The following FRMD1 variants were observed in gnomAD, a reference collection of about 807,000 sequenced individuals.
The protein encoded by FRMD1 is FERM domain-containing protein 1.
In FRMD1, 51 loss-of-function variants were observed where a neutral mutation model predicts 54.9. The observed-to-expected ratio is 0.93, with a 90% CI of 0.74 to 1.17. The LOEUF (loss-of-function observed/expected upper bound fraction) is 1.17. FRMD1 is among the 50% of genes most tolerant of loss of function. The probability of loss-of-function intolerance (pLI) is 0.00; values close to 1 mark genes in which losing one functional copy is unlikely to be tolerated. For synonymous variants in FRMD1, 324 were observed against 306.4 expected (o/e 1.06, Z -0.60); for missense variants, 729 against 743.0 (o/e 0.98, Z 0.22).
At chr6:168,078,629 CA>C (rs1800704407) in intron 1 of FRMD1, among the ~76,000 whole-genome samples, 2 of 132,258 alleles carry the variant, frequency 1.5e-5, no homozygotes, top group Non-Finnish European at 3.2e-5. Context: ...CTCACCCCCA[CA>C]GCCTTGCTCA....
chr6:168,058,713 G>A (rs1799550812), intron 10 of FRMD1, among the ~76,000 whole-genome samples: 3 of 152,196 alleles, frequency 2.0e-5, no homozygotes, highest in African/African-American at 7.2e-5. Context: ...AGTGGGGGAA[G>A]CCTGGAGCAG....
chr6:168,090,048 C>T (rs565194134), intron 1 of FRMD1, among the ~76,000 whole-genome samples: 5 of 152,248 alleles, frequency 3.3e-5, no homozygotes, highest in South Asian at 2.1e-4. Context: ...CTCTCCACCC[C>T]GCGTCCAGAC....
Position 168,064,855 on chromosome 6 carries a change from T to C in FRMD1, c.648+16A>G. On this transcript the variant is annotated intron_variant, in intron 5 of 10. Coordinates refer to ENST00000283309, the MANE Select transcript of FRMD1 (RefSeq NM_024919.6). ...CCAGACTAGCAGTGCTGGGAGGAGG[T>C]GGGCCCTGACCTTACCCACTGTGGG... 6.5e-7 allele frequency: 1 copy of C among 1,543,878 alleles called. No individual in the cohort carries two copies. The highest frequency in any genetic ancestry group is 1.2e-5 in the South Asian group (1 of 83,256).
upstream of FRMD1, chr6:168,081,207 G>GGCA (rs1458992930): frequency 7.0e-6 from 5 of 712,948 alleles, no homozygotes; most frequent in Non-Finnish European, 1.0e-5. Flanking sequence ...GAGGCTCCAA[G>GGCA]GCAAGGGTGG....
rs78853029 is a variant in FRMD1, at chr6:168,063,733, G to A, written c.672C>T (p.Asp224=). 2.1e-5 allele frequency: 34 copies of A among 1,613,260 alleles called. No homozygotes were observed. Among genetic ancestry groups the A allele is most frequent in the Non-Finnish European group, 2.7e-5 (32 of 1,179,496 alleles). ...GGGTAGGCATGTGCCGGAGGATGTA[G>A]TCAATCCCCCTCTTGGTGATGATCT... is the stretch of plus-strand genomic sequence containing the variant. ...PQWIITKRGI[D]YILRHMPTLH... Residue 224 remains aspartate (D), a synonymous_variant, in exon 6 of 11, where the codon GAC becomes GAT. Coordinates refer to ENST00000283309, the MANE Select transcript of FRMD1 (RefSeq NM_024919.6).
At chr6:168,081,497 C>T (rs1800830166), upstream of FRMD1, 2 of 1,533,730 alleles carry the variant, frequency 1.3e-6, no homozygotes, top group African/African-American at 2.7e-5. Flanking sequence ...CTGGAGTCCT[C>T]CTCGGCCCAA....
upstream of FRMD1, among the ~76,000 whole-genome samples, chr6:168,085,617 G>A (rs999055686): frequency 3.9e-5 from 6 of 152,236 alleles, no homozygotes; most frequent in African/African-American, 1.4e-4. Context: ...AGAACAAAGG[G>A]ACCAAGGAGG....
At position 168,061,772 on chromosome 6, in the gene FRMD1, G is replaced by C. The variant is rs781525067; in HGVS notation, c.1045+35C>G. 4 of 1,524,202 alleles carry C rather than the reference G, an allele frequency of 2.6e-6. No homozygotes were observed. In the South Asian group the frequency reaches 4.9e-5, roughly 19 times the overall value. The allele number at this position is 1,524,202 out of a possible 1,614,324, so 94.4% of individuals were successfully genotyped here. Reference sequence around the variant, plus strand: ...CAGCCTAGCCCAGAAGGCACAGTCCGGCTGCGGAGCCCAGCATACCCAGCC... The same window carrying C: ...CAGCCTAGCCCAGAAGGCACAGTCCCGCTGCGGAGCCCAGCATACCCAGCC... On this transcript the variant is annotated intron_variant, in intron 8 of 10. Transcript: ENST00000283309.
rs1562414095 is a variant in FRMD1 at position 168,064,857 on chromosome 6, G to C, written c.648+14C>G. On this transcript the variant is annotated intron_variant, in intron 5 of 10. Coordinates refer to ENST00000283309, the MANE Select transcript of FRMD1 (RefSeq NM_024919.6). Reference sequence around the variant, plus strand: ...AGACTAGCAGTGCTGGGAGGAGGTGGGCCCTGACCTTACCCACTGTGGGAA... The same window carrying C: ...AGACTAGCAGTGCTGGGAGGAGGTGCGCCCTGACCTTACCCACTGTGGGAA... 1 of 1,546,068 alleles carries C rather than the reference G, an allele frequency of 6.5e-7. No individual in the cohort carries two copies. Among genetic ancestry groups the C allele is most frequent in the Non-Finnish European group, 8.7e-7 (1 of 1,143,346 alleles).
chr6:168,076,191 C>CA (rs1800586556), intron 1 of FRMD1, among the ~76,000 whole-genome samples: 2 of 152,252 alleles, frequency 1.3e-5, no homozygotes, highest in African/African-American at 4.8e-5. Context: ...GCTCTGCTCT[C>CA]AGACTCTCCC....
chr6:168,090,013 ACTCAGTCT>A (rs1442402437), intron 1 of FRMD1, among the ~76,000 whole-genome samples: 1 of 151,962 alleles, frequency 6.6e-6, no homozygotes, highest in Non-Finnish European at 1.5e-5. Flanking sequence ...AGGATGCGGG[ACTCAGTCT>A]CTCAGTCTCA....
At chr6:168,074,700 T>A (rs1800487823) in intron 2 of FRMD1, among the ~76,000 whole-genome samples, 1 of 150,526 alleles carries the variant, frequency 6.6e-6, no homozygotes, top group African/African-American at 2.5e-5. Flanking sequence ...ATTGTGGGCA[T>A]GTGTGTGGTT....
intron 2 of FRMD1, among the ~76,000 whole-genome samples, chr6:168,069,018 G>T (rs1185067309): frequency 6.6e-6 from 1 of 152,204 alleles, no homozygotes; most frequent in Non-Finnish European, 1.5e-5. Flanking sequence ...TGTCAGGGAG[G>T]ATCAAACACT....
intron 4 of FRMD1, chr6:168,066,270 G>C (rs949261225): frequency 1.1e-6 from 1 of 926,328 alleles, no homozygotes; most frequent in Non-Finnish European, 1.3e-6. Context: ...AGGTCGAGGC[G>C]GGTGGATCAC....
Position 168,062,950 on chromosome 6 carries a change from C to T in FRMD1, c.814G>A (p.Glu272Lys). The change falls in exon 7 of 11, where the codon GAA becomes AAA. Residue 272 changes from glutamate (E) to lysine (K), a missense_variant. Transcript: ENST00000283309. Reference protein sequence around the residue: ...HFFRLHKDKKEGRPTVILGLA... With the variant: ...HFFRLHKDKKKGRPTVILGLA... ...CCCAGGATCACGGTGGGACGACCTT[C>T]CTTCTTATCCTAGAGGACACAGGTC... is the stretch of plus-strand genomic sequence containing the variant. The T allele has an allele frequency of 6.2e-7, 1 of 1,613,998 alleles. No individual in the cohort carries two copies. Among genetic ancestry groups the T allele is most frequent in the Non-Finnish European group, 8.5e-7 (1 of 1,179,892 alleles).
chr6:168,071,082 G>A (rs1042200090), intron 2 of FRMD1, among the ~76,000 whole-genome samples: 2 of 152,192 alleles, frequency 1.3e-5, no homozygotes, highest in Non-Finnish European at 2.9e-5. Flanking sequence ...GTGACAGCAC[G>A]AGACTCCTGC....
chr6:168,084,366 T>A (rs948976945), upstream of FRMD1, among the ~76,000 whole-genome samples: 8 of 152,210 alleles, frequency 5.3e-5, no homozygotes, highest in African/African-American at 1.4e-4. Context: ...TATTTGTGTG[T>A]CTTCAGTTAA....
Position 168,060,900 on chromosome 6 carries a change from G to C in FRMD1, c.1203C>G (p.Ile401Met). 1.2e-6 allele frequency: 2 copies of C among 1,613,880 alleles called. No homozygotes were observed. The highest frequency in any genetic ancestry group is 1.7e-5 in the Admixed American group (1 of 60,032). The change falls in exon 9 of 11, where the codon ATC (isoleucine) becomes ATG (methionine). Residue 401 changes from isoleucine to methionine, a missense_variant. Transcript: ENST00000283309. Reference protein sequence around the residue: ...DSHGSSYTSGIKANSWLRESR... With the variant: ...DSHGSSYTSGMKANSWLRESR... ...ATTCCCTGAGCCAGGAGTTGGCCTTGATGCCTGACGTGTAGGAACTGCCGT... is the reference window on the plus strand; with the variant it reads ...ATTCCCTGAGCCAGGAGTTGGCCTTCATGCCTGACGTGTAGGAACTGCCGT...
At chr6:168,091,032 G>A (rs1169219683) in intron 1 of FRMD1, among the ~76,000 whole-genome samples, 5 of 152,224 alleles carry the variant, frequency 3.3e-5, no homozygotes, top group South Asian at 4.1e-4. Context: ...CCTGGGCTCC[G>A]TGGGGAGAAG....
Sources: allele counts gnomAD v4.1 joint callset (sites outside exome capture counted in the v4.1 genomes callset), GRCh38; gene constraint gnomAD v4.1.1; transcripts MANE v1.5; gene names NCBI Gene and HGNC (gene_info 2026-07-23, HGNC 2026-07-21).